Variants in SUPT3H observed in about 807,000 individuals in gnomAD.
SUPT3H encodes transcription initiation protein SPT3 homolog.
Under a neutral mutation model 44.3 loss-of-function variants are expected in SUPT3H, and 44 were observed. The ratio of observed to expected loss-of-function variants is 0.99; its 90% CI spans 0.78 to 1.28. The LOEUF (loss-of-function observed/expected upper bound fraction) is 1.28, where lower values mean the gene tolerates loss of function less well. SUPT3H is among the 50% of genes most tolerant of loss of function. The probability of loss-of-function intolerance (pLI) is 0.00; values close to 1 mark genes in which losing one functional copy is unlikely to be tolerated. For missense variants in SUPT3H, 380 were observed against 387.1 expected (o/e 0.98, Z 0.15); for synonymous variants, 124 against 125.6 (o/e 0.99, Z 0.09).
chr6:45,030,819 G>T (rs1360731486), intron 3 of SUPT3H, among the ~76,000 whole-genome samples: 5 of 152,108 alleles, frequency 3.3e-5, no homozygotes, highest in Admixed American at 2.6e-4. Flanking sequence ...AATATATAGA[G>T]AAAGTGCCAA....
rs181101931 is a variant in SUPT3H at position 45,268,371 on chromosome 6, T to C, written c.101+96830A>G. Among the ~76,000 whole-genome samples, 9 of 152,286 alleles carry C rather than the reference T, an allele frequency of 5.9e-5. No homozygotes were observed. The East Asian group carries it at 1.2e-3, about 20-fold the overall frequency. On this transcript the variant is annotated intron_variant, in intron 2 of 10. Transcript: ENST00000371459. ...TTCCACAGCTTAGCACCTAGATACA[T>C]GATTTACAGATCTGCCTAAATAGAG... is the stretch of plus-strand genomic sequence containing the variant.
chr6:45,352,468 T>C (rs746212489), intron 2 of SUPT3H, among the ~76,000 whole-genome samples: 33 of 152,250 alleles, frequency 2.2e-4, no homozygotes, highest in Non-Finnish European at 4.1e-4. Flanking sequence ...AGGTGAAACA[T>C]TGCTGGAGTC....
chr6:45,323,345 G>GAAATATAAAAATATAA (rs1562953412), intron 2 of SUPT3H, among the ~76,000 whole-genome samples: 102 of 152,066 alleles, frequency 6.7e-4, no homozygotes, highest in African/African-American at 2.4e-3. Flanking sequence ...ATTTATAAAC[G>GAAATATAAAAATATAA]GAAACCTTAA....
intron 10 of SUPT3H, among the ~76,000 whole-genome samples, chr6:44,903,663 C>G (rs1050286880): frequency 1.3e-5 from 2 of 152,168 alleles, no homozygotes; most frequent in Non-Finnish European, 2.9e-5. Flanking sequence ...AAGAGGGAAT[C>G]CTCCCTAACT....
chr6:45,128,557 T>TAC (rs1173091186), intron 2 of SUPT3H, among the ~76,000 whole-genome samples: 34 of 56,722 alleles, frequency 6.0e-4, no homozygotes, highest in African/African-American at 1.5e-3. Flanking sequence ...TATATATATA[T>TAC]ACACACACAC....
At chr6:45,153,360 T>C (rs1807256170) in intron 2 of SUPT3H, among the ~76,000 whole-genome samples, 1 of 152,128 alleles carries the variant, frequency 6.6e-6, no homozygotes, top group South Asian at 2.1e-4. Context: ...AATAAATTAG[T>C]CCCTTAATAG....
chr6:45,047,883 C>A (rs1789650149), intron 3 of SUPT3H, among the ~76,000 whole-genome samples: 1 of 151,424 alleles, frequency 6.6e-6, no homozygotes, highest in Non-Finnish European at 1.5e-5. Context: ...TTGGCCATTT[C>A]TATGTCTTAT....
chr6:45,078,663 G>C (rs1795342288), intron 3 of SUPT3H, among the ~76,000 whole-genome samples: 1 of 152,126 alleles, frequency 6.6e-6, no homozygotes, highest in Non-Finnish European at 1.5e-5. Context: ...CATTTCGAAA[G>C]GAGAGCTTTG....
intron 2 of SUPT3H, among the ~76,000 whole-genome samples, chr6:45,245,679 C>T (rs2153649564): frequency 6.6e-6 from 1 of 152,240 alleles, no homozygotes; most frequent in East Asian, 1.9e-4. Flanking sequence ...TTTATCCATT[C>T]ATCCACTGAT....
At chr6:45,358,115 A>G (rs976694080) in intron 2 of SUPT3H, among the ~76,000 whole-genome samples, 1 of 152,140 alleles carries the variant, frequency 6.6e-6, no homozygotes, top group Non-Finnish European at 1.5e-5. Context: ...GTAATCAATG[A>G]CCGTGTTAAA....
At chr6:45,225,546 C>A (rs1766801693) in intron 2 of SUPT3H, among the ~76,000 whole-genome samples, 1 of 152,086 alleles carries the variant, frequency 6.6e-6, no homozygotes, top group African/African-American at 2.4e-5. Context: ...TTTGACCATT[C>A]CACATATGGA....
chr6:45,049,125 T>C (rs927126862), intron 3 of SUPT3H, among the ~76,000 whole-genome samples: 1 of 152,158 alleles, frequency 6.6e-6, no homozygotes, highest in African/African-American at 2.4e-5. Flanking sequence ...TTTCCAAACA[T>C]AGTGTACATG....
intron 2 of SUPT3H, among the ~76,000 whole-genome samples, chr6:45,214,015 C>CAAAAAAAAAAAAAAAAAA (rs11418358): frequency 6.7e-5 from 5 of 74,106 alleles, no homozygotes; most frequent in Non-Finnish European, 9.7e-5. Flanking sequence ...TTTTGAAATG[C>CAAAAAAAAAAAAAAAAAA]AAAAAAAAAA....
intron 3 of SUPT3H, among the ~76,000 whole-genome samples, chr6:45,053,807 C>T (rs907305425): frequency 2.0e-5 from 3 of 147,754 alleles, no homozygotes; most frequent in Non-Finnish European, 3.0e-5. Flanking sequence ...CCCAGCTCCT[C>T]GGGAGGCTGA....
At chr6:44,860,312 C>T (rs1456526188) in intron 10 of SUPT3H, among the ~76,000 whole-genome samples, 2 of 152,168 alleles carry the variant, frequency 1.3e-5, no homozygotes, top group Non-Finnish European at 2.9e-5. Context: ...GCTTCATGTA[C>T]CCAGCTATCC....
intron 2 of SUPT3H, among the ~76,000 whole-genome samples, chr6:45,317,303 C>T (rs1380388698): frequency 6.8e-6 from 1 of 147,568 alleles, no homozygotes; most frequent in Admixed American, 6.8e-5. Flanking sequence ...AGACTGAATG[C>T]AATCTTTATC....
intron 3 of SUPT3H, among the ~76,000 whole-genome samples, chr6:45,066,265 T>A (rs1793293910): frequency 6.6e-6 from 1 of 152,076 alleles, no homozygotes; most frequent in Non-Finnish European, 1.5e-5. Flanking sequence ...CAACAACTCC[T>A]TCATGCTAAA....
intron 2 of SUPT3H, among the ~76,000 whole-genome samples, chr6:45,352,204 G>T (rs1386853043): frequency 6.6e-6 from 1 of 151,978 alleles, no homozygotes; most frequent in Admixed American, 6.6e-5. Flanking sequence ...CAGTCCCAAA[G>T]GACTTACAAA....
intron 2 of SUPT3H, among the ~76,000 whole-genome samples, chr6:45,286,677 A>C (rs2149834978): frequency 6.6e-6 from 1 of 152,330 alleles, no homozygotes; most frequent in Admixed American, 6.5e-5. Context: ...TGTGGAAGTC[A>C]GTGTGGCGAT....
Sources: gnomAD v4.1 joint callset for allele counts (sites outside exome capture counted in the v4.1 genomes callset) on GRCh38, gnomAD v4.1.1 for gene constraint, MANE v1.5 for transcripts, NCBI Gene and HGNC (gene_info 2026-07-23, HGNC 2026-07-21) for gene names.